The following CADM2 variants were observed in gnomAD, a reference collection of about 807,000 sequenced individuals.
CADM2 encodes cell adhesion molecule 2, also known as immunoglobulin superfamily member 4D.
Under a neutral mutation model 49.8 loss-of-function variants are expected in CADM2, and 12 were observed. That is an observed-to-expected ratio of 0.24 (90% CI 0.15 to 0.39). The LOEUF (loss-of-function observed/expected upper bound fraction) is 0.39, where lower values mean the gene tolerates loss of function less well. CADM2 is among the 10% of genes least tolerant of loss of function. The probability of loss-of-function intolerance (pLI) is 1.00; values close to 1 mark genes in which losing one functional copy is unlikely to be tolerated. For synonymous variants in CADM2, 214 were observed against 175.4 expected, an observed-to-expected ratio of 1.22 and a Z score of -1.74; for missense variants, 378 against 492.3, an observed-to-expected ratio of 0.77 and a Z score of 2.20.
intron 8 of CADM2, among the ~76,000 whole-genome samples, chr3:85,976,511 C>T (rs2108656004): frequency 6.6e-6 from 1 of 151,590 alleles, no homozygotes; most frequent in South Asian, 2.1e-4. Flanking sequence ...CACAATATAG[C>T]TGAAATAATG....
At chr3:85,225,575 C>G (rs574972769) in intron 1 of CADM2, among the ~76,000 whole-genome samples, 27 of 151,730 alleles carry the variant, frequency 1.8e-4, no homozygotes, top group Non-Finnish European at 2.7e-4. Context: ...TCCTCTTTTC[C>G]CAAGAATACC....
At position 85,906,531 on chromosome 3, in the gene CADM2, G is replaced by A. The variant is rs542297668; in HGVS notation, c.530-5842G>A. 2.3e-3 allele frequency among the ~76,000 whole-genome samples: 357 copies of A among 152,134 alleles called. 4 individuals are homozygous for A. Among genetic ancestry groups the A allele is most frequent in the African/African-American group, 8.4e-3 (347 of 41,522 alleles). Reference sequence around the variant, plus strand: ...TTATCCATGTTACCAATGAATGGTGGGGTCATACCTGTAGAGTCAGTTAAG... The same window carrying A: ...TTATCCATGTTACCAATGAATGGTGAGGTCATACCTGTAGAGTCAGTTAAG... On this transcript the variant is annotated intron_variant, in intron 5 of 9. Transcript: ENST00000383699.
intron 1 of CADM2, among the ~76,000 whole-genome samples, chr3:85,579,754 A>G (rs1043033213): frequency 6.6e-6 from 1 of 152,138 alleles, no homozygotes; most frequent in Admixed American, 6.6e-5. Context: ...GGCTCAATAC[A>G]GGTCTCTAAT....
intron 1 of CADM2, among the ~76,000 whole-genome samples, chr3:85,100,199 C>A (rs1195498415): frequency 6.6e-6 from 1 of 152,056 alleles, no homozygotes; most frequent in Admixed American, 6.6e-5. Flanking sequence ...TCTAAATATT[C>A]TTTTGGAATC....
chr3:85,070,540 T>G (rs1013235181), intron 1 of CADM2, among the ~76,000 whole-genome samples: 6 of 151,966 alleles, frequency 3.9e-5, no homozygotes, highest in African/African-American at 7.3e-5. Context: ...AATAAAAAAT[T>G]TATTTCTATG....
intron 1 of CADM2, among the ~76,000 whole-genome samples, chr3:85,204,716 G>A (rs2041590692): frequency 6.6e-6 from 1 of 152,126 alleles, no homozygotes; most frequent in Admixed American, 6.5e-5. Flanking sequence ...TGTGTTCTAT[G>A]TTTTGCTAGG....
In CADM2 at chr3:85,418,518, C is replaced by A. The variant is rs192439859; in HGVS notation, c.62-308004C>A. On this transcript the variant is annotated intron_variant, in intron 1 of 9. Transcript: ENST00000383699. ...TTTCTTATGGCAAATGTTCCAAGGT[C>A]TATTATAGTTCAAGGTTTCATCCAA... is the stretch of plus-strand genomic sequence containing the variant. Among the ~76,000 whole-genome samples, 827 of 152,074 alleles carry A rather than the reference C, an allele frequency of 5.4e-3. 19 individuals are homozygous for A. The highest frequency in any genetic ancestry group is 2.9e-3 in the Non-Finnish European group (199 of 67,952).
chr3:85,722,961 T>G (rs184634728), intron 1 of CADM2, among the ~76,000 whole-genome samples: 8 of 152,316 alleles, frequency 5.3e-5, no homozygotes, highest in African/African-American at 1.9e-4. Flanking sequence ...CAATTATATT[T>G]GTACTTTATG....
chr3:85,875,451 T>G (rs1711693032), intron 3 of CADM2, among the ~76,000 whole-genome samples: 1 of 152,210 alleles, frequency 6.6e-6, no homozygotes, highest in East Asian at 1.9e-4. Flanking sequence ...GTGTTAAGTC[T>G]TAGACTTCTG....
chr3:85,953,553 A>G (rs1723697350), intron 7 of CADM2, among the ~76,000 whole-genome samples: 1 of 150,928 alleles, frequency 6.6e-6, no homozygotes, highest in African/African-American at 2.4e-5. Context: ...TTTTTCATAA[A>G]GCCTATTAGA....
intron 1 of CADM2, among the ~76,000 whole-genome samples, chr3:85,449,322 C>T (rs865775298): frequency 8.6e-5 from 13 of 151,734 alleles, no homozygotes; most frequent in African/African-American, 7.3e-5. Flanking sequence ...GAGCTTTTCC[C>T]AGTGAAATAG....
At chr3:85,044,326 A>G (rs1188783383) in intron 1 of CADM2, among the ~76,000 whole-genome samples, 1 of 152,148 alleles carries the variant, frequency 6.6e-6, no homozygotes, top group Non-Finnish European at 1.5e-5. Context: ...CCCACCATAA[A>G]AAAAGACCTG....
intron 2 of CADM2, among the ~76,000 whole-genome samples, chr3:85,757,046 G>GTTGATGAATA (rs1482170150): frequency 3.3e-5 from 5 of 152,088 alleles, no homozygotes; most frequent in Non-Finnish European, 7.4e-5. Flanking sequence ...AGAAGTGAAA[G>GTTGATGAATA]TTGATGAATA....
intron 1 of CADM2, among the ~76,000 whole-genome samples, chr3:85,459,697 T>TTTATTTTA (rs1392134845): frequency 6.6e-6 from 1 of 152,266 alleles, no homozygotes; most frequent in African/African-American, 2.4e-5. Flanking sequence ...TTGTATATCA[T>TTTATTTTA]TTATTTTATT....
At chr3:85,746,729 G>A (rs563158241) in intron 2 of CADM2, among the ~76,000 whole-genome samples, 13 of 152,008 alleles carry the variant, frequency 8.6e-5, no homozygotes, top group Non-Finnish European at 1.8e-4. Context: ...GAACCATCTA[G>A]AGCTCACATT....
chr3:86,024,397 A>C (rs1032241736), intron 8 of CADM2, among the ~76,000 whole-genome samples: 2 of 152,238 alleles, frequency 1.3e-5, no homozygotes, highest in Admixed American at 1.3e-4. Flanking sequence ...TATACATTAG[A>C]ATTTTCAAAG....
At chr3:85,491,962 A>AG (rs1297360158) in intron 1 of CADM2, among the ~76,000 whole-genome samples, 1 of 151,176 alleles carries the variant, frequency 6.6e-6, no homozygotes, top group African/African-American at 2.4e-5. Context: ...AAAAAAAAAA[A>AG]GTTTCTTCTG....
intron 8 of CADM2, among the ~76,000 whole-genome samples, chr3:85,985,461 A>G (rs1163953962): frequency 6.6e-6 from 1 of 152,006 alleles, no homozygotes; most frequent in Non-Finnish European, 1.5e-5. Flanking sequence ...AACAGACCAC[A>G]GCACTACTGT....
chr3:85,481,775 C>A (rs1011418251), intron 1 of CADM2, among the ~76,000 whole-genome samples: 7 of 150,692 alleles, frequency 4.6e-5, no homozygotes, highest in African/African-American at 1.7e-4. Flanking sequence ...CAAAGTGAAA[C>A]TTTCTTTTTT....
Sources: allele counts gnomAD v4.1 joint callset (sites outside exome capture counted in the v4.1 genomes callset), GRCh38; gene constraint gnomAD v4.1.1; transcripts MANE v1.5; gene names NCBI Gene and HGNC (gene_info 2026-07-23, HGNC 2026-07-21).